Variants in ARHGAP1 observed in about 807,000 individuals in gnomAD.
ARHGAP1 encodes rho GTPase-activating protein 1.
A neutral mutation model predicts 52.2 loss-of-function variants in ARHGAP1; 23 were observed. The observed-to-expected ratio is 0.44, with a 90% CI of 0.32 to 0.62. ARHGAP1 has a LOEUF of 0.62. Ranked by LOEUF, ARHGAP1 falls within the 20% of genes least tolerant of loss-of-function variation. The pLI is 0.05. For missense variants in ARHGAP1, 480 were observed against 560.9 expected (o/e 0.86, Z 1.46); for synonymous variants, 210 against 228.4 (o/e 0.92, Z 0.73).
chr11:46,690,133 T>A (rs1157546209), intron 3 of ARHGAP1, among the ~76,000 whole-genome samples: 2 of 150,874 alleles, frequency 1.3e-5, no homozygotes, highest in African/African-American at 4.9e-5. Flanking sequence ...TCCCAACACT[T>A]TGGGAGGCCG....
rs2064527967 is a variant in ARHGAP1, at chr11:46,681,515, C to A, written c.450-136G>T. ...GGAGTGTGATCTCAGCTCATTGCAGCCTCCACCTCCCGGATTCAAGCTATT... is the reference window on the plus strand; with the variant it reads ...GGAGTGTGATCTCAGCTCATTGCAGACTCCACCTCCCGGATTCAAGCTATT... On this transcript the variant is annotated intron_variant, in intron 5 of 12. Coordinates refer to ENST00000311956, the MANE Select transcript of ARHGAP1 (RefSeq NM_004308.5). The surrounding 1 kb of genome is among the most constrained non-coding windows in gnomAD (Gnocchi z 5.7). 4 of 658,988 alleles carry A rather than the reference C, an allele frequency of 6.1e-6. No homozygotes were observed. In the Admixed American group the frequency reaches 7.5e-5, roughly 12 times the overall value. 40.8% of individuals were successfully genotyped at this position (658,988 alleles called of 1,614,324 possible).
Position 46,680,675 on chromosome 11 carries a change from G to GGGGGGCCGT in ARHGAP1, c.699_707dup (p.Arg234_Pro236dup), listed in dbSNP as rs2064518545. On this transcript the variant is annotated inframe_insertion, in exon 8 of 13. Transcript: ENST00000311956. The surrounding 1 kb of genome is among the most constrained non-coding windows in gnomAD (Gnocchi z 5.9). ...AGACTCCAAACTGCTGGTTGGGCAGGGGGGGCCGTGGGGGCATGGGCTTGG... is the reference window on the plus strand; with the variant it reads ...AGACTCCAAACTGCTGGTTGGGCAGGGGGGGCCGTGGGGGCCGTGGGGGCATGGGCTTGG... 2 of 1,606,198 alleles carry GGGGGGCCGT rather than the reference G, an allele frequency of 1.2e-6. No individual in the cohort carries two copies. The highest frequency in any genetic ancestry group is 4.5e-5 in the East Asian group (2 of 44,788).
At chr11:46,695,931 C>G in intron 2 of ARHGAP1, 44 bp downstream of exon 2, 1 of 1,613,624 alleles carries the variant, frequency 6.2e-7, no homozygotes, top group Non-Finnish European at 8.5e-7. Flanking sequence ...AGTGCTTCCC[C>G]CTCTAAAGCG....
intron 4 of ARHGAP1, among the ~76,000 whole-genome samples, chr11:46,682,742 A>C (rs890006840): frequency 1.3e-5 from 2 of 152,176 alleles, no homozygotes. Flanking sequence ...ATGTCAGGAG[A>C]CCAGGACCCT....
At chr11:46,686,957 G>C (rs2134485602) in intron 4 of ARHGAP1, 1 of 152,468 alleles carries the variant, frequency 6.6e-6, no homozygotes, top group South Asian at 2.1e-4. Flanking sequence ...ACAAGCAGCA[G>C]CTGATGTTGA....
rs566681425 is a variant in ARHGAP1 at position 46,696,056 on chromosome 11, C to T, written c.52G>A (p.Glu18Lys). 2.0e-5 allele frequency: 32 copies of T among 1,613,388 alleles called. No individual in the cohort carries two copies. Among genetic ancestry groups the T allele is most frequent in the African/African-American group, 1.2e-4 (9 of 75,038 alleles). The change falls in exon 2 of 13, where the codon GAG (glutamate) becomes AAG (lysine). Residue 18 changes from glutamate (E) to lysine (K), a missense_variant. Glu to Lys is a moderately conservative substitution (Grantham distance 56). Transcript: ENST00000311956. The surrounding 1 kb of genome is among the most constrained non-coding windows in gnomAD (Gnocchi z 4.8). ...QDDLTLDDTS[E>K]ALNQLKLASI... is the part of the protein sequence containing the mutation. ...GCCAGCTTCAGCTGGTTCAGAGCCT[C>T]GCTGGTGTCATCCAAGGTCAGATCA...
Position 46,681,502 on chromosome 11 carries a change from C to T in ARHGAP1, c.450-123G>A. 1.4e-6 allele frequency: 1 copy of T among 706,238 alleles called. No homozygotes were observed. Among genetic ancestry groups the T allele is most frequent in the Non-Finnish European group, 2.5e-6 (1 of 396,128 alleles). 43.7% of individuals were successfully genotyped at this position (706,238 alleles called of 1,614,324 possible). ...CTTCACCCAGGCTGGAGTGTGATCT[C>T]AGCTCATTGCAGCCTCCACCTCCCG... On this transcript the variant is annotated intron_variant, in intron 5 of 12. Transcript: ENST00000311956. This position sits in a 1 kb window ranked among gnomAD's most constrained non-coding sequence, Gnocchi z 5.7.
chr11:46,683,474 T>C (rs911333218), intron 4 of ARHGAP1, among the ~76,000 whole-genome samples: 4 of 152,138 alleles, frequency 2.6e-5, no homozygotes, highest in African/African-American at 9.7e-5. Flanking sequence ...TCACTGGGCC[T>C]TTAGTGGACC....
At position 46,680,478 on chromosome 11, in the gene ARHGAP1, G is replaced by A. The variant is rs771804827; in HGVS notation, c.820+9C>T. ...ACCTGGCTGGTGAGGAGGCAGGCCC[G>A]GCACTCACCGTGGGCCTGTAAGTAG... On this transcript the variant is annotated intron_variant, in intron 9 of 12. Transcript: ENST00000311956. This position sits in a 1 kb window ranked among gnomAD's most constrained non-coding sequence, Gnocchi z 5.9. 45 of 1,613,194 alleles carry A rather than the reference G, an allele frequency of 2.8e-5. No individual in the cohort carries two copies. The highest frequency in any genetic ancestry group is 1.8e-4 in the Admixed American group (11 of 59,998).
At chr11:46,682,283 T>TC in intron 4 of ARHGAP1, 101 bp from the exon 5 acceptor site, 1 of 1,483,566 alleles carries the variant, frequency 6.7e-7, no homozygotes, top group Non-Finnish European at 9.2e-7. Context: ...CACAGCCCCT[T>TC]CCCCACAGGC....
chr11:46,699,571 C>T (rs990022470), intron 1 of ARHGAP1, among the ~76,000 whole-genome samples: 7 of 151,900 alleles, frequency 4.6e-5, no homozygotes, highest in African/African-American at 1.7e-4. Flanking sequence ...GGTGTGGTGG[C>T]GCGCGCCTGT....
Position 46,681,638 on chromosome 11 carries a change from T to C in ARHGAP1, c.450-259A>G. 1 of 426,510 alleles carries C rather than the reference T, an allele frequency of 2.3e-6. No homozygotes were observed. The highest frequency in any genetic ancestry group is 2.0e-5 in the African/African-American group (1 of 49,644). The allele number at this position is 426,510 out of a possible 1,614,324, so 26.4% of individuals were successfully genotyped here. On this transcript the variant is annotated intron_variant, in intron 5 of 12. Coordinates refer to ENST00000311956, the MANE Select transcript of ARHGAP1 (RefSeq NM_004308.5). The surrounding 1 kb of genome is among the most constrained non-coding windows in gnomAD (Gnocchi z 5.7). ...TAGCGGAGACAGGGTTTCACCATGT[T>C]GGCCAGGCTGGTCTGGAACTCCTGA...
Position 46,689,081 on chromosome 11 carries a change from C to CAA in ARHGAP1, c.230-823_230-822dup, listed in dbSNP as rs566135089. ...CCTGGGTGACAGAGCAAGAGTGTCT[C>CAA]AAAAAAAAAAAAAAAAAAGTTATGC... is the stretch of plus-strand genomic sequence containing the variant. On this transcript the variant is annotated intron_variant, in intron 3 of 12. Transcript: ENST00000311956. Among the ~76,000 whole-genome samples, 200 of 90,238 alleles carry CAA rather than the reference C, an allele frequency of 2.2e-3. 1 individual carries two copies. The highest frequency in any genetic ancestry group is 6.8e-3 in the Admixed American group (54 of 7,924). 59.2% of individuals were successfully genotyped at this position (90,238 alleles called of 152,430 possible).
chr11:46,678,816 G>C lies in ARHGAP1; in HGVS notation c.*221C>G, dbSNP rs12418414. On this transcript the variant is annotated 3_prime_UTR_variant, in exon 13 of 13. Transcript: ENST00000311956. ...GCTCTGGAGAGCCCAGCAAAAGCCC[G>C]GTGTCCAGAGAGGCAGTGAGAAGTG... 5.7e-3 allele frequency: 3,243 copies of C among 572,554 alleles called. 173 individuals are homozygous for C. The Admixed American group carries it at 0.093, about 16-fold the overall frequency. The allele number at this position is 572,554 out of a possible 1,614,324, so 35.5% of individuals were successfully genotyped here.
chr11:46,692,543 G>T (rs558905352), intron 3 of ARHGAP1, among the ~76,000 whole-genome samples: 4 of 152,262 alleles, frequency 2.6e-5, no homozygotes, highest in African/African-American at 7.2e-5. Flanking sequence ...GAAGCTGTTG[G>T]GGGGAGGGCT....
In ARHGAP1 at chr11:46,680,914, G is replaced by A. The variant is rs973147044; in HGVS notation, c.635+97C>T. The A allele has an allele frequency of 3.5e-5, 43 of 1,222,818 alleles. No individual in the cohort carries two copies. The African/African-American group carries it at 4.3e-4, about 12-fold the overall frequency. 75.7% of individuals were successfully genotyped at this position (1,222,818 alleles called of 1,614,324 possible). ...AAAGACCTGGGAGAGGTCGGGACAC[G>A]GGCTTGCTCTGCCTAAGCCCCACGC... On this transcript the variant is annotated intron_variant, in intron 7 of 12. Transcript: ENST00000311956. This position sits in a 1 kb window ranked among gnomAD's most constrained non-coding sequence, Gnocchi z 5.9.
At position 46,696,575 on chromosome 11, in the gene ARHGAP1, A is replaced by G. The variant is rs1268454394; in HGVS notation, c.-49-419T>C. On this transcript the variant is annotated intron_variant, in intron 1 of 12. Transcript: ENST00000311956. The surrounding 1 kb of genome is among the most constrained non-coding windows in gnomAD (Gnocchi z 4.8). ...TTACAGGGGTAGAAATGTTGTAAGAATCTAAGGAACATGCTGGGCACCGTG... is the reference window on the plus strand; with the variant it reads ...TTACAGGGGTAGAAATGTTGTAAGAGTCTAAGGAACATGCTGGGCACCGTG... 6.6e-6 allele frequency among the ~76,000 whole-genome samples: 1 copy of G among 152,226 alleles called. No individual in the cohort carries two copies. Among genetic ancestry groups the G allele is most frequent in the Non-Finnish European group, 1.5e-5 (1 of 68,026 alleles).
Position 46,679,505 on chromosome 11 carries a change from G to C in ARHGAP1, c.1028-37C>G. ...GGAGGCCCGGGTTATAGGGGCCCTA[G>C]GCTGGGCTGGTTCAGGACGCTCTGA... On this transcript the variant is annotated intron_variant, in intron 11 of 12. Transcript: ENST00000311956. This position sits in a 1 kb window ranked among gnomAD's most constrained non-coding sequence, Gnocchi z 4.4. 2 of 1,610,870 alleles carry C rather than the reference G, an allele frequency of 1.2e-6. No individual in the cohort carries two copies. Among genetic ancestry groups the C allele is most frequent in the Non-Finnish European group, 1.7e-6 (2 of 1,177,496 alleles).
chr11:46,682,895 T>G (rs1228570712), intron 4 of ARHGAP1, among the ~76,000 whole-genome samples: 1 of 152,212 alleles, frequency 6.6e-6, no homozygotes, highest in African/African-American at 2.4e-5. Flanking sequence ...TCACATACAT[T>G]AGCTCATACA....
Sources: allele counts gnomAD v4.1 joint callset (sites outside exome capture counted in the v4.1 genomes callset), GRCh38; gene constraint gnomAD v4.1.1; non-coding constraint Gnocchi (gnomAD v3.1); transcripts MANE v1.5; gene names NCBI Gene and HGNC (gene_info 2026-07-23, HGNC 2026-07-21).